The following PCSK5 variants were observed in gnomAD, a reference collection of about 807,000 sequenced individuals.
The protein encoded by PCSK5 is proprotein convertase subtilisin/kexin type 5.
Under a neutral mutation model 233.2 loss-of-function variants are expected in PCSK5, and 129 were observed. That is an observed-to-expected ratio of 0.55 (90% CI 0.48 to 0.64). PCSK5 has a LOEUF of 0.64. Ranked by LOEUF, PCSK5 falls within the 30% of genes least tolerant of loss-of-function variation. PCSK5 has a pLI of 0.00. For synonymous variants in PCSK5, 825 were observed against 879.2 expected (o/e 0.94, Z 1.09); for missense variants, 2,076 against 2,430.1 (o/e 0.85, Z 3.06).
intron 28 of PCSK5, among the ~76,000 whole-genome samples, chr9:76,302,739 A>C (rs1587850583): frequency 6.6e-6 from 1 of 152,322 alleles, no homozygotes; most frequent in African/African-American, 2.4e-5. Flanking sequence ...CTTTACAGGC[A>C]AGGTGATAAA....
At chr9:76,080,908 A>G (rs887090711) in intron 7 of PCSK5, among the ~76,000 whole-genome samples, 4 of 152,224 alleles carry the variant, frequency 2.6e-5, no homozygotes, top group South Asian at 2.1e-4. Context: ...GCAAAATACC[A>G]TAAAATTTTT....
intron 7 of PCSK5, among the ~76,000 whole-genome samples, chr9:76,074,184 T>G (rs750916057): frequency 1.3e-5 from 2 of 152,204 alleles, no homozygotes; most frequent in Non-Finnish European, 2.9e-5. Context: ...AAACAGAGAT[T>G]ATATACCTCT....
chr9:76,359,149 T>C lies in PCSK5; in HGVS notation c.*227T>C. The C allele has an allele frequency of 1.9e-6, 1 of 525,122 alleles. No homozygotes were observed. The highest frequency in any genetic ancestry group is 3.0e-5 in the East Asian group (1 of 33,438). The allele number at this position is 525,122 out of a possible 1,614,324, so 32.5% of individuals were successfully genotyped here. A position where few individuals can be genotyped will look rare whatever the true frequency, so the allele number is the denominator to read the frequency against. ...TTCAACCGTAATTGAAGAGCAAGGA[T>C]AAAATTCAGAGGCATTTTCCTCAAA... On this transcript the variant is annotated 3_prime_UTR_variant, in exon 38 of 38. Transcript: ENST00000674117.
At chr9:76,052,556 A>G (rs1244389830) in intron 5 of PCSK5, among the ~76,000 whole-genome samples, 1 of 151,986 alleles carries the variant, frequency 6.6e-6, no homozygotes, top group African/African-American at 2.4e-5. Flanking sequence ...TGATTCAATT[A>G]CCTCCCAATG....
At chr9:76,331,223 T>G (rs1422079243) in intron 33 of PCSK5, among the ~76,000 whole-genome samples, 1 of 152,154 alleles carries the variant, frequency 6.6e-6, no homozygotes, top group Non-Finnish European at 1.5e-5. Context: ...CCCCTGAAGA[T>G]GACACATCCT....
intron 27 of PCSK5, among the ~76,000 whole-genome samples, chr9:76,298,889 T>G (rs548019927): frequency 6.6e-6 from 1 of 152,304 alleles, no homozygotes; most frequent in Non-Finnish European, 1.5e-5. Context: ...CAGATTCAGA[T>G]TCAGGTAGGA....
rs907576051 is a variant in PCSK5 at position 76,068,042 on chromosome 9, A to C, written c.720A>C (p.Gly240=). The C allele has an allele frequency of 6.2e-6, 10 of 1,612,016 alleles. No homozygotes were observed. The highest frequency in any genetic ancestry group is 7.6e-6 in the Non-Finnish European group (9 of 1,178,104). ...GAATTGCTTTCAACGCCAAGATCGGAGGTATGGGAAACCAACTCACGTGGA... is the reference window on the plus strand; with the variant it reads ...GAATTGCTTTCAACGCCAAGATCGGCGGTATGGGAAACCAACTCACGTGGA... ...TVGIAFNAKI[G]GVRMLDGDVT... The change falls in exon 6 of 38, where the codon GGA becomes GGC. Residue 240 remains glycine, a splice_region_variant and synonymous_variant. Coordinates refer to ENST00000674117, the MANE Select transcript of PCSK5 (RefSeq NM_001372043.1).
At chr9:75,890,271 A>G (rs183670582), upstream of PCSK5, among the ~76,000 whole-genome samples, 16 of 152,378 alleles carry the variant, frequency 1.1e-4, no homozygotes, top group East Asian at 3.1e-3. Context: ...TTGTTCGGCA[A>G]TTGACACGTA....
At chr9:76,308,585 C>G (rs904556844) in intron 28 of PCSK5, 60 bp from the exon 29 acceptor site, 21 of 940,616 alleles carry the variant, frequency 2.2e-5, no homozygotes, top group Non-Finnish European at 3.3e-5. Flanking sequence ...TTTTTCAGTA[C>G]TGGAATCCTA....
At chr9:75,964,959 G>A (rs912700168) in intron 2 of PCSK5, among the ~76,000 whole-genome samples, 5 of 152,188 alleles carry the variant, frequency 3.3e-5, no homozygotes, top group African/African-American at 7.2e-5. Flanking sequence ...GGATTAGACC[G>A]TGAAATGGTG....
At chr9:75,900,989 A>G (rs1408652387) in intron 1 of PCSK5, among the ~76,000 whole-genome samples, 3 of 152,072 alleles carry the variant, frequency 2.0e-5, no homozygotes, top group African/African-American at 7.2e-5. Flanking sequence ...GGGTGTAAGT[A>G]AAGAGGGATA....
chr9:76,022,111 G>A (rs1828218846), intron 3 of PCSK5, among the ~76,000 whole-genome samples: 1 of 152,122 alleles, frequency 6.6e-6, no homozygotes, highest in African/African-American at 2.4e-5. Flanking sequence ...CTAAAGTGGT[G>A]TACTCAGATC....
intron 2 of PCSK5, among the ~76,000 whole-genome samples, chr9:75,977,768 G>A (rs144246762): frequency 0.016 from 2,406 of 151,434 alleles, 61 homozygotes; most frequent in African/African-American, 0.054. Flanking sequence ...CTCCCACCAC[G>A]CACGGCTAAT....
At chr9:76,045,717 A>G (rs1829342831) in intron 5 of PCSK5, among the ~76,000 whole-genome samples, 1 of 152,146 alleles carries the variant, frequency 6.6e-6, no homozygotes, top group Non-Finnish European at 1.5e-5. Flanking sequence ...TTTATTAATA[A>G]ATTAATAACT....
In PCSK5 at chr9:76,104,775, A is replaced by G. The variant is rs562805041; in HGVS notation, c.1108-2476A>G. Among the ~76,000 whole-genome samples the G allele has an allele frequency of 4.6e-5, 7 of 152,310 alleles. No homozygotes were observed. In the South Asian group the frequency reaches 1.4e-3, roughly 32 times the overall value. ...GAGCCAAGTGGGAAAATATCATGAA[A>G]AATCTTGAATCCAGGCACAAGTCAT... is the stretch of plus-strand genomic sequence containing the variant. On this transcript the variant is annotated intron_variant, in intron 8 of 37. Coordinates refer to ENST00000674117, the MANE Select transcript of PCSK5 (RefSeq NM_001372043.1).
At chr9:76,181,892 G>A (rs1386115579) in intron 16 of PCSK5, among the ~76,000 whole-genome samples, 1 of 152,090 alleles carries the variant, frequency 6.6e-6, no homozygotes, top group Non-Finnish European at 1.5e-5. Flanking sequence ...AATCATCAAA[G>A]GGAAAAGGCA....
At chr9:76,307,441 G>T (rs1235844203) in intron 28 of PCSK5, among the ~76,000 whole-genome samples, 1 of 152,156 alleles carries the variant, frequency 6.6e-6, no homozygotes, top group Non-Finnish European at 1.5e-5. Context: ...GAGCCATGCT[G>T]ATTTCTGAGC....
chr9:76,338,413 T>C lies in PCSK5; in HGVS notation c.4932T>C (p.Cys1644=). The part of the protein sequence containing the change: ...HYYVEQSTQT[C]ERCHPTCDQC... ...ATGTAGAGCAAAGCACACAGACCTGTGAGAGATGCCATCCGACTTGTGATC... is the reference window on the plus strand; with the variant it reads ...ATGTAGAGCAAAGCACACAGACCTGCGAGAGATGCCATCCGACTTGTGATC... Residue 1644 remains cysteine, a synonymous_variant, in exon 35 of 38, where the codon TGT becomes TGC. Transcript: ENST00000674117. 1 of 1,612,428 alleles carries C rather than the reference T, an allele frequency of 6.2e-7. No homozygotes were observed. The highest frequency in any genetic ancestry group is 1.7e-5 in the Admixed American group (1 of 60,016).
At chr9:76,191,852 A>G (rs1564095923) in intron 20 of PCSK5, among the ~76,000 whole-genome samples, 1 of 152,126 alleles carries the variant, frequency 6.6e-6, no homozygotes, top group Non-Finnish European at 1.5e-5. Context: ...TAGGTTAGTA[A>G]CAGAAAATTG....
Sources: gnomAD v4.1 joint callset for allele counts (sites outside exome capture counted in the v4.1 genomes callset) on GRCh38, gnomAD v4.1.1 for gene constraint, MANE v1.5 for transcripts, NCBI Gene and HGNC (gene_info 2026-07-23, HGNC 2026-07-21) for gene names.